Variants in MOCOS observed in about 807,000 individuals in gnomAD.
MOCOS encodes molybdenum cofactor sulfurase.
Under a neutral mutation model 83.6 loss-of-function variants are expected in MOCOS, and 86 were observed. The observed-to-expected ratio is 1.03, with a 90% CI of 0.86 to 1.23. The LOEUF is 1.23. Ranked by LOEUF, MOCOS falls within the 50% of genes most tolerant of loss-of-function variation. The pLI, the probability that MOCOS is intolerant of heterozygous loss-of-function variation, is 0.00. For missense variants in MOCOS, 1,120 were observed against 1,126.9 expected, an observed-to-expected ratio of 0.99 and a Z score of 0.09; for synonymous variants, 445 against 434.7, an observed-to-expected ratio of 1.02 and a Z score of -0.29.
intron 2 of MOCOS, 29 bp downstream of exon 2, chr18:36,195,375 A>T (rs559531363): frequency 6.4e-7 from 1 of 1,551,616 alleles, no homozygotes; most frequent in Non-Finnish European, 8.9e-7. Flanking sequence ...AACAGGTTTT[A>T]GTCAACTACA....
rs147912484 is a variant in MOCOS, at chr18:36,200,060, C to T, written c.677C>T (p.Pro226Leu). The T allele has an allele frequency of 1.8e-4, 293 of 1,614,182 alleles. No homozygotes were observed. Among genetic ancestry groups the T allele is most frequent in the Non-Finnish European group, 2.4e-4 (284 of 1,180,014 alleles). Residue 226 changes from proline (P) to leucine (L), a missense_variant, in exon 4 of 15, where the codon CCT (proline) becomes CTT (leucine). Physicochemically the swap from Pro to Leu is moderately conservative, Grantham distance 98 (BLOSUM62 -3). Transcript: ENST00000261326. ...IEEVKSGRLH[P>L]VSTPGKWFVL... ...GAGGTCAAGTCTGGGCGGTTGCACC[C>T]TGTGAGCACGCCTGGGAAGTGGTTT...
intron 9 of MOCOS, among the ~76,000 whole-genome samples, chr18:36,221,137 G>A (rs1051565571): frequency 6.6e-6 from 1 of 152,136 alleles, no homozygotes; most frequent in Non-Finnish European, 1.5e-5. Context: ...TGATGAAAAT[G>A]TTCAAACTAT....
At chr18:36,202,815 G>A (rs1033695945) in intron 4 of MOCOS, among the ~76,000 whole-genome samples, 1 of 152,162 alleles carries the variant, frequency 6.6e-6, no homozygotes, top group Non-Finnish European at 1.5e-5. Flanking sequence ...CAGCAGGAGA[G>A]ACAGAGAAGA....
intron 4 of MOCOS, 27 bp from the exon 5 acceptor site, chr18:36,203,086 C>G: frequency 1.2e-6 from 2 of 1,603,084 alleles, no homozygotes; most frequent in Non-Finnish European, 1.7e-6. Context: ...CACAGCTTGA[C>G]CTGTTCTCCT....
chr18:36,199,363 T>C (rs758790386), intron 3 of MOCOS, among the ~76,000 whole-genome samples: 1 of 152,242 alleles, frequency 6.6e-6, no homozygotes, highest in Non-Finnish European at 1.5e-5. Context: ...GGTTGATTAC[T>C]ACTTAAACCT....
At chr18:36,236,839 G>A (rs2091561182) in intron 9 of MOCOS, among the ~76,000 whole-genome samples, 2 of 145,736 alleles carry the variant, frequency 1.4e-5, no homozygotes, top group African/African-American at 5.1e-5. Flanking sequence ...CCTTGAAGAG[G>A]TCCTTCACAT....
chr18:36,206,582 G>T (rs534327040), intron 6 of MOCOS, among the ~76,000 whole-genome samples: 1 of 152,172 alleles, frequency 6.6e-6, no homozygotes, highest in East Asian at 1.9e-4. Context: ...GGGGATACAT[G>T]TGCAGGCCTG....
At chr18:36,203,998 C>T (rs1362442582) in intron 5 of MOCOS, among the ~76,000 whole-genome samples, 1 of 152,170 alleles carries the variant, frequency 6.6e-6, no homozygotes, top group East Asian at 1.9e-4. Flanking sequence ...GTTGACTGTA[C>T]CAGTCCACAA....
chr18:36,193,372 A>T (rs1156396226), intron 1 of MOCOS, among the ~76,000 whole-genome samples: 1 of 147,634 alleles, frequency 6.8e-6, no homozygotes, highest in Non-Finnish European at 1.5e-5. Flanking sequence ...GAATGAGGAC[A>T]GTGTGATATT....
chr18:36,230,959 A>G (rs562566989), intron 9 of MOCOS, among the ~76,000 whole-genome samples: 2 of 152,230 alleles, frequency 1.3e-5, no homozygotes, highest in South Asian at 4.2e-4. Flanking sequence ...TGCATTTGTT[A>G]ATCTTTCCTA....
chr18:36,205,329 A>G (rs2091430911), intron 6 of MOCOS, 53 bp downstream of exon 6: 2 of 1,560,730 alleles, frequency 1.3e-6, no homozygotes, highest in Non-Finnish European at 1.8e-6. Flanking sequence ...CTAGTTCCAG[A>G]CGAGAGCAAT....
At chr18:36,241,638 G>C (rs1276699865) in intron 9 of MOCOS, among the ~76,000 whole-genome samples, 1 of 152,224 alleles carries the variant, frequency 6.6e-6, no homozygotes, top group Non-Finnish European at 1.5e-5. Context: ...TGGGGACTCT[G>C]TGGAATCTCC....
At chr18:36,249,050 C>T (rs749673895) in intron 10 of MOCOS, 50 bp downstream of exon 10, 1 of 1,508,320 alleles carries the variant, frequency 6.6e-7, no homozygotes, top group East Asian at 2.3e-5. Context: ...CAGGCTGGCA[C>T]AGAGGGGGAA....
At chr18:36,265,056 T>C (rs1454213400) in intron 13 of MOCOS, among the ~76,000 whole-genome samples, 3 of 152,182 alleles carry the variant, frequency 2.0e-5, no homozygotes, top group Non-Finnish European at 4.4e-5. Context: ...TCATACAAGC[T>C]GCTTGAAAAC....
chr18:36,200,283 A>G lies in MOCOS; in HGVS notation c.900A>G (p.Ala300=), dbSNP rs754583427. The G allele has an allele frequency of 2.5e-6, 4 of 1,614,148 alleles. No homozygotes were observed. The highest frequency in any genetic ancestry group is 1.1e-5 in the South Asian group (1 of 91,086). ...FGGGTASAYL[A]GEDFYIPRQS... ...GAGGGACAGCCTCTGCGTACCTAGC[A>G]GGAGAAGACTTCTACATCCCGAGGC... The change falls in exon 4 of 15, where the codon GCA becomes GCG. Residue 300 remains alanine (A), a synonymous_variant. Coordinates refer to ENST00000261326, the MANE Select transcript of MOCOS (RefSeq NM_017947.4).
intron 2 of MOCOS, among the ~76,000 whole-genome samples, chr18:36,196,935 C>T (rs1460897519): frequency 2.0e-5 from 3 of 152,068 alleles, no homozygotes; most frequent in East Asian, 1.9e-4. Flanking sequence ...CGTTAATGAG[C>T]ACATGTAGCT....
At chr18:36,230,832 T>A (rs1172194747) in intron 9 of MOCOS, among the ~76,000 whole-genome samples, 1 of 152,166 alleles carries the variant, frequency 6.6e-6, no homozygotes. Context: ...TGAGTCTGGT[T>A]TCATGTTCTG....
Position 36,249,042 on chromosome 18 carries a change from G to A in MOCOS, c.2039+42G>A, listed in dbSNP as rs114093100. ...CGTGAAAATCTCAGCTTTATTGACA[G>A]GCTGGCACAGAGGGGGAAGAGGGTA... is the stretch of plus-strand genomic sequence containing the variant. On this transcript the variant is annotated intron_variant, in intron 10 of 14. Coordinates refer to ENST00000261326, the MANE Select transcript of MOCOS (RefSeq NM_017947.4). The A allele has an allele frequency of 2.4e-3, 3,663 of 1,550,678 alleles. 84 individuals are homozygous for A. The African/African-American group carries it at 0.044, about 19-fold the overall frequency.
chr18:36,245,255 G>A (rs1182498999), intron 9 of MOCOS, among the ~76,000 whole-genome samples: 1 of 151,952 alleles, frequency 6.6e-6, no homozygotes, highest in Admixed American at 6.6e-5. Flanking sequence ...TCTATTTTTG[G>A]TGTATTTCAA....
Sources: allele counts gnomAD v4.1 joint callset (sites outside exome capture counted in the v4.1 genomes callset), GRCh38; gene constraint gnomAD v4.1.1; transcripts MANE v1.5; gene names NCBI Gene and HGNC (gene_info 2026-07-23, HGNC 2026-07-21).